Variants in PCMTD1 observed in about 807,000 individuals in gnomAD.
PCMTD1 encodes the protein protein-L-isoaspartate O-methyltransferase domain-containing protein 1.
In PCMTD1, 12 loss-of-function variants were observed where a neutral mutation model predicts 37.6. The ratio of observed to expected loss-of-function variants is 0.32; its 90% CI spans 0.20 to 0.52. The LOEUF is 0.52. PCMTD1 is among the 20% of genes least tolerant of loss of function. The probability of loss-of-function intolerance (pLI) is 0.97; values close to 1 mark genes in which losing one functional copy is unlikely to be tolerated. For missense variants in PCMTD1, 235 were observed against 421.3 expected, an observed-to-expected ratio of 0.56 and a Z score of 3.87; for synonymous variants, 117 against 135.8, an observed-to-expected ratio of 0.86 and a Z score of 0.96.
At chr8:51,896,279 C>G (rs765693492) in intron 1 of PCMTD1, 9 of 152,118 alleles carry the variant, frequency 5.9e-5, no homozygotes, top group Non-Finnish European at 1.2e-4. Flanking sequence ...GTTGCCACAT[C>G]TAGTGGAAAA....
At chr8:51,870,640 A>G (rs1437638851) in intron 1 of PCMTD1, among the ~76,000 whole-genome samples, 2 of 152,206 alleles carry the variant, frequency 1.3e-5, no homozygotes, top group Non-Finnish European at 2.9e-5. Flanking sequence ...TCACAAGATC[A>G]TATGAGAAGC....
intron 3 of PCMTD1, among the ~76,000 whole-genome samples, chr8:51,844,241 C>A (rs1291765152): frequency 6.6e-6 from 1 of 152,082 alleles, no homozygotes; most frequent in South Asian, 2.1e-4. Context: ...TTTCTTGGAA[C>A]TAGGATATGA....
In PCMTD1 at chr8:51,887,482, G is replaced by A. The variant is rs563442574; in HGVS notation, c.-96+11448C>T. 2.0e-5 allele frequency among the ~76,000 whole-genome samples: 3 copies of A among 152,112 alleles called. No homozygotes were observed. In the East Asian group the frequency reaches 5.8e-4, roughly 29 times the overall value. On this transcript the variant is annotated intron_variant, in intron 1 of 5. Transcript: ENST00000522514. ...GACTTGGAATTTATTTTCTCTTACA[G>A]GTAAATAACGCAAGGTTATATTCTT...
intron 1 of PCMTD1, among the ~76,000 whole-genome samples, chr8:51,878,628 A>G (rs1040376714): frequency 6.6e-6 from 1 of 152,138 alleles, no homozygotes; most frequent in South Asian, 2.1e-4. Flanking sequence ...TCGTGACTAT[A>G]GTCCCAGCTA....
intron 1 of PCMTD1, among the ~76,000 whole-genome samples, chr8:51,861,728 T>G (rs1379762951): frequency 6.8e-6 from 1 of 146,134 alleles, no homozygotes; most frequent in Non-Finnish European, 1.5e-5. Context: ...TTTTTTTAAT[T>G]TTTTTTTTTT....
At chr8:51,823,454 G>A (rs1352699585) in intron 5 of PCMTD1, among the ~76,000 whole-genome samples, 1 of 152,100 alleles carries the variant, frequency 6.6e-6, no homozygotes, top group African/African-American at 2.4e-5. Flanking sequence ...AATAGAGTGA[G>A]ACCCTGTCTC....
intron 3 of PCMTD1, 107 bp downstream of exon 3, chr8:51,845,554 C>T (rs1486590221): frequency 6.0e-6 from 4 of 671,250 alleles, no homozygotes; most frequent in Admixed American, 5.2e-5. Context: ...CTGATTTTTG[C>T]TGCATTCAAT....
chr8:51,845,324 T>C (rs150048522), intron 3 of PCMTD1: 271 of 213,912 alleles, frequency 1.3e-3, no homozygotes, highest in African/African-American at 5.8e-3. Flanking sequence ...AACTACTAAA[T>C]TACTATCCAA....
At chr8:51,848,070 G>A (rs74956682) in intron 2 of PCMTD1, among the ~76,000 whole-genome samples, 9,387 of 146,974 alleles carry the variant, frequency 0.064, 383 homozygotes, top group Non-Finnish European at 0.088. Context: ...GGGCAACAGA[G>A]AGAGACCGTG....
chr8:51,890,312 A>G (rs532810940), intron 1 of PCMTD1, among the ~76,000 whole-genome samples: 81 of 152,370 alleles, frequency 5.3e-4, no homozygotes, highest in African/African-American at 1.6e-3. Context: ...AAATCAGTAT[A>G]TATCACTGCT....
At chr8:51,893,780 C>CTAAA (rs2038965913) in intron 1 of PCMTD1, among the ~76,000 whole-genome samples, 1 of 152,152 alleles carries the variant, frequency 6.6e-6, no homozygotes, top group Non-Finnish European at 1.5e-5. Flanking sequence ...GTTGTGGACA[C>CTAAA]ACACAATTAA....
intron 3 of PCMTD1, among the ~76,000 whole-genome samples, chr8:51,841,280 T>G (rs192521961): frequency 3.3e-4 from 50 of 152,304 alleles, no homozygotes; most frequent in African/African-American, 1.2e-3. Context: ...TTTTATCATC[T>G]CATTATTGTT....
At chr8:51,892,338 T>C (rs2038947996) in intron 1 of PCMTD1, among the ~76,000 whole-genome samples, 1 of 152,194 alleles carries the variant, frequency 6.6e-6, no homozygotes, top group Non-Finnish European at 1.5e-5. Flanking sequence ...GGGCTGACCC[T>C]TGCCCAGAGT....
At chr8:51,851,058 C>A (rs1462575960) in intron 2 of PCMTD1, among the ~76,000 whole-genome samples, 1 of 152,182 alleles carries the variant, frequency 6.6e-6, no homozygotes, top group Non-Finnish European at 1.5e-5. Flanking sequence ...ATATTCCGAA[C>A]ACTTATTAAG....
chr8:51,855,610 T>C (rs946436792), intron 2 of PCMTD1, among the ~76,000 whole-genome samples: 1 of 151,870 alleles, frequency 6.6e-6, no homozygotes, highest in Non-Finnish European at 1.5e-5. Context: ...CAGGTTCTGT[T>C]TGATGCATAA....
At chr8:51,855,565 A>T (rs1363025120) in intron 2 of PCMTD1, among the ~76,000 whole-genome samples, 2 of 71,378 alleles carry the variant, frequency 2.8e-5, no homozygotes, top group Non-Finnish European at 6.0e-5. Flanking sequence ...AATTCCTTTT[A>T]AAAAAAAAGT....
At chr8:51,850,748 G>A (rs1032028959) in intron 2 of PCMTD1, among the ~76,000 whole-genome samples, 1 of 151,918 alleles carries the variant, frequency 6.6e-6, no homozygotes, top group African/African-American at 2.4e-5. Context: ...AAGTCAATGA[G>A]AATCAAAATA....
chr8:51,873,129 A>G lies in PCMTD1; in HGVS notation c.-95-11883T>C, dbSNP rs553134378. The stretch of plus-strand genomic sequence containing the variant: ...AAACAAAATAGCTAAAGTATTATCC[A>G]TAAGTTTTCAAAGCACTTTAACATC... On this transcript the variant is annotated intron_variant, in intron 1 of 5. Transcript: ENST00000522514. 5.9e-5 allele frequency among the ~76,000 whole-genome samples: 9 copies of G among 152,360 alleles called. No individual in the cohort carries two copies. In the South Asian group the frequency reaches 8.3e-4, roughly 14 times the overall value.
At position 51,820,335 on chromosome 8, in the gene PCMTD1, T is replaced by C. The variant is rs538862457; in HGVS notation, c.*16A>G. ...CTAAAGGAATTATCAGTAGGCATTT[T>C]TCTTCTTGATCTAAGTTATTTGTCT... On this transcript the variant is annotated 3_prime_UTR_variant, in exon 6 of 6. Transcript: ENST00000522514. 22 of 1,532,208 alleles carry C rather than the reference T, an allele frequency of 1.4e-5. No homozygotes were observed. In the Admixed American group the frequency reaches 1.8e-4, roughly 13 times the overall value. 94.9% of individuals were successfully genotyped at this position (1,532,208 alleles called of 1,614,324 possible).
Sources: allele counts gnomAD v4.1 joint callset (sites outside exome capture counted in the v4.1 genomes callset), GRCh38; gene constraint gnomAD v4.1.1; transcripts MANE v1.5; gene names NCBI Gene and HGNC (gene_info 2026-07-23, HGNC 2026-07-21).